The following ACSL3 variants were observed in gnomAD, a reference collection of about 807,000 sequenced individuals.
ACSL3 encodes fatty acid CoA ligase Acsl3.
Under a neutral mutation model 84.7 loss-of-function variants are expected in ACSL3, and 34 were observed. The observed-to-expected ratio is 0.40, with a 90% CI of 0.31 to 0.53. The LOEUF (loss-of-function observed/expected upper bound fraction) is 0.53, where lower values mean the gene tolerates loss of function less well. Among genes scored for constraint, ACSL3 ranks in the 20% least tolerant of loss-of-function variants. The pLI, the probability that ACSL3 is intolerant of heterozygous loss-of-function variation, is 0.48. For synonymous variants in ACSL3, 315 were observed against 299.4 expected (o/e 1.05, Z -0.54); for missense variants, 680 against 873.1 (o/e 0.78, Z 2.79).
chr2:222,901,404 GATCT>G (rs1342672908), intron 3 of ACSL3, among the ~76,000 whole-genome samples: 7 of 152,260 alleles, frequency 4.6e-5, no homozygotes, highest in African/African-American at 1.7e-4. Context: ...TGACTCCATT[GATCT>G]ATCTGTCTGT....
chr2:222,877,984 A>T (rs16864206), intron 1 of ACSL3, among the ~76,000 whole-genome samples: 2,700 of 151,848 alleles, frequency 0.018, 63 homozygotes, highest in African/African-American at 0.054. Context: ...GTTTCTTTTG[A>T]GCTCCTTCAG....
chr2:222,883,809 C>G (rs1337643427), intron 1 of ACSL3, among the ~76,000 whole-genome samples: 1 of 152,090 alleles, frequency 6.6e-6, no homozygotes, highest in Admixed American at 6.6e-5. Context: ...CTACCCCTTG[C>G]TTTTGCTCTT....
chr2:222,891,698 TAA>T (rs1695848741), intron 2 of ACSL3, among the ~76,000 whole-genome samples: 1 of 152,172 alleles, frequency 6.6e-6, no homozygotes. Context: ...AACTGAAACT[TAA>T]AAAGTTGGCT....
chr2:222,911,535 G>C (rs1024199322), intron 4 of ACSL3, among the ~76,000 whole-genome samples: 2 of 152,104 alleles, frequency 1.3e-5, no homozygotes, highest in Admixed American at 1.3e-4. Flanking sequence ...TTTAGTCTAA[G>C]CATATATACA....
At chr2:222,934,252 G>A (rs1697112308) in intron 15 of ACSL3, among the ~76,000 whole-genome samples, 1 of 152,118 alleles carries the variant, frequency 6.6e-6, no homozygotes, top group Admixed American at 6.5e-5. Context: ...TTTAAAATGT[G>A]TACATGGCAG....
chr2:222,900,240 C>A (rs1047584380), intron 2 of ACSL3, among the ~76,000 whole-genome samples: 1 of 152,266 alleles, frequency 6.6e-6, no homozygotes, highest in East Asian at 1.9e-4. Context: ...TGAATACTTG[C>A]TCTGTGGCTC....
intron 1 of ACSL3, among the ~76,000 whole-genome samples, chr2:222,882,887 C>T (rs981100508): frequency 1.3e-5 from 2 of 151,402 alleles, no homozygotes; most frequent in African/African-American, 4.9e-5. Flanking sequence ...GCTGCCTCAG[C>T]CTCCTGAGTA....
chr2:222,891,492 G>A (rs1166797057), intron 2 of ACSL3, among the ~76,000 whole-genome samples: 1 of 152,046 alleles, frequency 6.6e-6, no homozygotes, highest in African/African-American at 2.4e-5. Context: ...ATATTCCTTT[G>A]CCTGATTTCT....
At chr2:222,913,592 C>T (rs2106121574) in intron 4 of ACSL3, among the ~76,000 whole-genome samples, 1 of 152,178 alleles carries the variant, frequency 6.6e-6, no homozygotes, top group South Asian at 2.1e-4. Context: ...TCCTTGCTTC[C>T]ACACTTGCCC....
chr2:222,866,312 A>AT (rs767567867), intron 1 of ACSL3, among the ~76,000 whole-genome samples: 37 of 152,032 alleles, frequency 2.4e-4, no homozygotes, highest in Middle Eastern at 3.4e-3. Flanking sequence ...TGCCCGGCTA[A>AT]TTTTTTGTAT....
chr2:222,862,784 A>G (rs1006191955), intron 1 of ACSL3, among the ~76,000 whole-genome samples: 4 of 152,228 alleles, frequency 2.6e-5, no homozygotes, highest in African/African-American at 9.6e-5. Context: ...CAAGGTGACA[A>G]GTCACCTCGT....
chr2:222,883,310 T>C (rs553906343), intron 1 of ACSL3, among the ~76,000 whole-genome samples: 4 of 151,116 alleles, frequency 2.6e-5, no homozygotes, highest in African/African-American at 9.7e-5. Context: ...TCAGCCTCTC[T>C]AGTAGCTGGG....
At chr2:222,903,992 C>T (rs1233058220) in intron 3 of ACSL3, among the ~76,000 whole-genome samples, 15 of 152,140 alleles carry the variant, frequency 9.9e-5, no homozygotes, top group East Asian at 1.9e-4. Flanking sequence ...CAATTATGGT[C>T]GGCTGGGCGC....
Position 222,941,629 on chromosome 2 carries a change from T to C in ACSL3, c.2138T>C (p.Ile713Thr). Residue 713 changes from isoleucine (I) to threonine (T), a missense_variant, in exon 17 of 17, where the codon ATT becomes ACT. By Grantham distance (89) the Ile-to-Thr change is moderately conservative. Coordinates refer to ENST00000357430, the MANE Select transcript of ACSL3 (RefSeq NM_004457.5). ...KELKTHYQAD[I>T]ERMYGRK ...CTTAAAACACATTACCAGGCGGACA[T>C]TGAGCGAATGTATGGAAGAAAATAA... 1 of 1,613,400 alleles carries C rather than the reference T, an allele frequency of 6.2e-7. No individual in the cohort carries two copies. Among genetic ancestry groups the C allele is most frequent in the Non-Finnish European group, 8.5e-7 (1 of 1,179,680 alleles).
intron 4 of ACSL3, among the ~76,000 whole-genome samples, chr2:222,912,549 A>G (rs1242818860): frequency 6.6e-6 from 1 of 152,228 alleles, no homozygotes; most frequent in African/African-American, 2.4e-5. Context: ...TATTTAAAAT[A>G]TTTTTTGAGT....
intron 2 of ACSL3, among the ~76,000 whole-genome samples, chr2:222,900,442 C>T (rs1220933007): frequency 2.6e-5 from 4 of 152,104 alleles, no homozygotes; most frequent in Admixed American, 1.3e-4. Context: ...AAAATGTGTG[C>T]CTCTAGCTCT....
chr2:222,927,357 G>C (rs892691278), intron 12 of ACSL3, among the ~76,000 whole-genome samples, 168 bp downstream of exon 12: 1 of 152,158 alleles, frequency 6.6e-6, no homozygotes, highest in African/African-American at 2.4e-5. Flanking sequence ...GAATGTATTA[G>C]ATGCATCTGG....
chr2:222,891,288 A>G (rs1235453490), intron 2 of ACSL3, among the ~76,000 whole-genome samples: 1 of 152,210 alleles, frequency 6.6e-6, no homozygotes, highest in Non-Finnish European at 1.5e-5. Context: ...GCATCAGTAG[A>G]ATATAGTCTT....
chr2:222,916,267 C>A, intron 4 of ACSL3, 52 bp from the exon 5 acceptor site: 1 of 1,214,278 alleles, frequency 8.2e-7, no homozygotes, highest in Non-Finnish European at 1.1e-6. Context: ...CTGGTTTCTT[C>A]TGTAAATTAT....
Sources: gnomAD v4.1 joint callset for allele counts (sites outside exome capture counted in the v4.1 genomes callset) on GRCh38, gnomAD v4.1.1 for gene constraint, MANE v1.5 for transcripts, NCBI Gene and HGNC (gene_info 2026-07-23, HGNC 2026-07-21) for gene names.